Variants in PDE4B observed in about 807,000 individuals in gnomAD.
PDE4B encodes phosphodiesterase 4B, also known as 3',5'-cyclic-AMP phosphodiesterase 4B.
A neutral mutation model predicts 82.2 loss-of-function variants in PDE4B; 20 were observed. The ratio of observed to expected loss-of-function variants is 0.24; its 90% CI spans 0.17 to 0.35. The LOEUF (loss-of-function observed/expected upper bound fraction) is 0.35. Ranked by LOEUF, PDE4B falls within the 10% of genes least tolerant of loss-of-function variation. The pLI is 1.00. For synonymous variants in PDE4B, 320 were observed against 318.9 expected (o/e 1.00, Z -0.04); for missense variants, 655 against 907.2 (o/e 0.72, Z 3.57).
intron 7 of PDE4B, among the ~76,000 whole-genome samples, chr1:66,277,545 G>A (rs533386740): frequency 1.6e-4 from 25 of 152,172 alleles, no homozygotes; most frequent in South Asian, 2.1e-4. Context: ...ACAGGTGTGC[G>A]CCACCACGCC....
At chr1:66,034,823 A>G (rs1283878123) in intron 3 of PDE4B, among the ~76,000 whole-genome samples, 2 of 151,982 alleles carry the variant, frequency 1.3e-5, no homozygotes, top group African/African-American at 4.9e-5. Flanking sequence ...CTCTCTGGTC[A>G]TAAAGTTTTT....
At chr1:66,305,852 A>G (rs1243730434) in intron 7 of PDE4B, among the ~76,000 whole-genome samples, 1 of 152,160 alleles carries the variant, frequency 6.6e-6, no homozygotes, top group Non-Finnish European at 1.5e-5. Context: ...TAATAATAGT[A>G]CTTTCCTGAA....
intron 8 of PDE4B, among the ~76,000 whole-genome samples, chr1:66,342,484 C>T (rs1465040291): frequency 6.9e-5 from 10 of 144,980 alleles, no homozygotes; most frequent in South Asian, 2.2e-4. Flanking sequence ...CCAAGGTGGG[C>T]GGATTACTTG....
At chr1:66,076,297 A>G (rs1656433988) in intron 3 of PDE4B, among the ~76,000 whole-genome samples, 1 of 152,080 alleles carries the variant, frequency 6.6e-6, no homozygotes, top group Admixed American at 6.6e-5. Context: ...CCATTTCTGC[A>G]TTAGTTTGCT....
chr1:66,122,730 AG>A (rs1645738552), intron 3 of PDE4B, among the ~76,000 whole-genome samples: 1 of 114,198 alleles, frequency 8.8e-6, no homozygotes. Flanking sequence ...TTTGAGACAG[AG>A]TTTTCCTCCT....
intron 7 of PDE4B, among the ~76,000 whole-genome samples, chr1:66,299,436 A>G (rs1230075608): frequency 1.3e-5 from 2 of 152,146 alleles, no homozygotes; most frequent in Non-Finnish European, 2.9e-5. Context: ...CCATTATTAT[A>G]TGCCATATTT....
intron 3 of PDE4B, among the ~76,000 whole-genome samples, chr1:66,040,150 A>T (rs1363242175): frequency 2.0e-5 from 3 of 152,052 alleles, no homozygotes; most frequent in Non-Finnish European, 4.4e-5. Context: ...AACTTTTTCA[A>T]TGAGGACGAC....
In PDE4B at chr1:66,228,312, G is replaced by T. The variant is rs17128575; in HGVS notation, c.282-19148G>T. ...ATCAGTAAAGATCCATTGGTCCTCT[G>T]CCTGCTGACTCAGCCCCATGACATG... On this transcript the variant is annotated intron_variant, in intron 3 of 16. Transcript: ENST00000341517. Among the ~76,000 whole-genome samples, 1,728 of 152,234 alleles carry T rather than the reference G, an allele frequency of 0.011. 59 individuals carry two copies. The East Asian group carries it at 0.12, about 10-fold the overall frequency.
chr1:66,018,153 C>T (rs965550777), intron 3 of PDE4B, among the ~76,000 whole-genome samples: 1 of 152,092 alleles, frequency 6.6e-6, no homozygotes, highest in Non-Finnish European at 1.5e-5. Context: ...CACGGTGGCT[C>T]ACACCTGTAA....
At chr1:66,151,800 T>C (rs1359024590) in intron 3 of PDE4B, among the ~76,000 whole-genome samples, 1 of 152,220 alleles carries the variant, frequency 6.6e-6, no homozygotes, top group Non-Finnish European at 1.5e-5. Flanking sequence ...CCAGAGTGCC[T>C]GTCACATAGT....
intron 1 of PDE4B, among the ~76,000 whole-genome samples, chr1:65,904,808 T>C (rs1309335266): frequency 6.6e-6 from 1 of 152,122 alleles, no homozygotes; most frequent in Non-Finnish European, 1.5e-5. Flanking sequence ...GGCCTCAGAA[T>C]TCTCCCCTGC....
intron 8 of PDE4B, among the ~76,000 whole-genome samples, chr1:66,349,841 T>G (rs1661687610): frequency 6.6e-6 from 1 of 152,156 alleles, no homozygotes; most frequent in Admixed American, 6.5e-5. Context: ...TCTTTTTCAT[T>G]TAAAACTTAG....
intron 3 of PDE4B, among the ~76,000 whole-genome samples, chr1:65,995,264 T>C (rs6664582): frequency 0.17 from 25,629 of 152,086 alleles, 2,813 homozygotes; most frequent in Non-Finnish European, 0.24. Context: ...CATGACTAAG[T>C]CTTTATTTAT....
At chr1:65,821,343 A>AT (rs1287980238) in intron 1 of PDE4B, among the ~76,000 whole-genome samples, 2 of 152,230 alleles carry the variant, frequency 1.3e-5, no homozygotes, top group Non-Finnish European at 2.9e-5. Context: ...ATGATTGGAG[A>AT]TTCAGGAAGT....
intron 3 of PDE4B, among the ~76,000 whole-genome samples, chr1:66,107,890 C>T (rs1476244314): frequency 6.6e-6 from 1 of 151,800 alleles, no homozygotes; most frequent in African/African-American, 2.4e-5. Context: ...ACAGCAACAA[C>T]AAATCTCAAA....
intron 3 of PDE4B, among the ~76,000 whole-genome samples, chr1:66,154,299 C>T (rs1435004656): frequency 6.6e-6 from 1 of 152,204 alleles, no homozygotes; most frequent in African/African-American, 2.4e-5. Flanking sequence ...CAGTGCCAAA[C>T]ACACCGTGGA....
intron 3 of PDE4B, among the ~76,000 whole-genome samples, chr1:66,000,648 C>T (rs1240160053): frequency 6.6e-6 from 1 of 152,176 alleles, no homozygotes; most frequent in East Asian, 1.9e-4. Context: ...GTTGCTTCTT[C>T]CTGGAACTTA....
At chr1:66,301,359 T>C (rs1043317737) in intron 7 of PDE4B, among the ~76,000 whole-genome samples, 2 of 152,142 alleles carry the variant, frequency 1.3e-5, no homozygotes, top group African/African-American at 4.8e-5. Context: ...GATCATGATA[T>C]TCAAACCGTT....
chr1:65,859,772 G>GA (rs1481988210), intron 1 of PDE4B, among the ~76,000 whole-genome samples: 6 of 152,076 alleles, frequency 3.9e-5, no homozygotes, highest in Non-Finnish European at 5.9e-5. Context: ...CTATCTTTTA[G>GA]AAAAAAACAT....
Sources: gnomAD v4.1 joint callset for allele counts (sites outside exome capture counted in the v4.1 genomes callset) on GRCh38, gnomAD v4.1.1 for gene constraint, MANE v1.5 for transcripts, NCBI Gene and HGNC (gene_info 2026-07-23, HGNC 2026-07-21) for gene names.